The following LAMB4 variants were observed in gnomAD, a reference collection of about 807,000 sequenced individuals.
The protein encoded by LAMB4 is laminin subunit beta-4.
LAMB4 carries 196 observed loss-of-function variants against 199.2 expected under a neutral mutation model. That is an observed-to-expected ratio of 0.98 (90% confidence interval 0.88 to 1.11). The LOEUF is 1.11. Among genes scored for constraint, LAMB4 ranks in the 50% least tolerant of loss-of-function variants. LAMB4 has a pLI of 0.00. For missense variants in LAMB4, 2,080 were observed against 2,171.2 expected (o/e 0.96, Z 0.83); for synonymous variants, 744 against 770.6 (o/e 0.97, Z 0.57).
Position 108,023,861 on chromosome 7 carries a change from G to C in LAMB4, c.*178C>G. 2.5e-6 allele frequency: 1 copy of C among 399,192 alleles called. No individual in the cohort carries two copies. The allele number at this position is 399,192 out of a possible 1,614,324, so 24.7% of individuals were successfully genotyped here. On this transcript the variant is annotated 3_prime_UTR_variant, in exon 34 of 34. Coordinates refer to ENST00000388781, the MANE Select transcript of LAMB4 (RefSeq NM_007356.3). ...TACTTTCCCCTTTCAATTATGAAGT[G>C]GCATTTTCCTGGTGGCATTTCAACC... is the stretch of plus-strand genomic sequence containing the variant.
At chr7:108,043,681 G>GTATGATGT in intron 29 of LAMB4, 71 bp downstream of exon 29, 1 of 612,668 alleles carries the variant, frequency 1.6e-6, no homozygotes. Flanking sequence ...CTGGGTTCAC[G>GTATGATGT]TATGATGTTT....
intron 5 of LAMB4, 24 bp downstream of exon 5, chr7:108,109,147 G>A: frequency 2.0e-6 from 3 of 1,538,250 alleles, no homozygotes; most frequent in Middle Eastern, 1.7e-4. Flanking sequence ...ATAAAAGAGG[G>A]GCAGCAGGCC....
At chr7:108,044,699 C>A (rs995936459) in intron 28 of LAMB4, among the ~76,000 whole-genome samples, 2 of 151,936 alleles carry the variant, frequency 1.3e-5, no homozygotes, top group African/African-American at 4.8e-5. Context: ...CGCCTGTAAT[C>A]CCCAGCACTT....
chr7:108,020,873 G>A (rs114337043), downstream of LAMB4, among the ~76,000 whole-genome samples: 1 of 152,146 alleles, frequency 6.6e-6, no homozygotes, highest in Non-Finnish European at 1.5e-5. Context: ...AAGCTGTAAA[G>A]GATAAACAGG....
chr7:108,046,166 C>G (rs1000271586), intron 28 of LAMB4, among the ~76,000 whole-genome samples: 29 of 151,704 alleles, frequency 1.9e-4, no homozygotes, highest in African/African-American at 6.8e-4. Context: ...CCTCCCGGGT[C>G]CCAGCAATTC....
At chr7:108,016,230 G>A in the LAMB4 span, among the ~76,000 whole-genome samples, 1 of 150,668 alleles carries the variant, frequency 6.6e-6, no homozygotes, top group East Asian at 2.0e-4. Flanking sequence ...TTCAGAAAAT[G>A]AGGGGGTAGG....
At chr7:108,070,755 G>A (rs182500908) in intron 17 of LAMB4, among the ~76,000 whole-genome samples, 12 of 152,202 alleles carry the variant, frequency 7.9e-5, no homozygotes, top group Admixed American at 4.6e-4. Flanking sequence ...AGTTTTTGGG[G>A]AGTAAAAAAT....
intron 15 of LAMB4, among the ~76,000 whole-genome samples, chr7:108,078,848 T>A (rs892927599): frequency 6.6e-6 from 1 of 152,206 alleles, no homozygotes; most frequent in Non-Finnish European, 1.5e-5. Context: ...GTTCCTTGGC[T>A]TTCACTTGTA....
In LAMB4 at chr7:108,057,893, G is replaced by A. The variant is rs202039038; in HGVS notation, c.3318C>T (p.Gly1106=). The A allele has an allele frequency of 5.5e-5, 89 of 1,613,582 alleles. No homozygotes were observed. Among genetic ancestry groups the A allele is most frequent in the African/African-American group, 2.7e-5 (2 of 74,890 alleles). The change falls in exon 24 of 34, where the codon GGC becomes GGT. Residue 1106 remains glycine (G), a synonymous_variant. Coordinates refer to ENST00000388781, the MANE Select transcript of LAMB4 (RefSeq NM_007356.3). ...CCTGGCACTCACTGCAACGTTTCCC[G>A]CCGTAACCTAATTTACACGGACACT... ...TGQCPCKLGY[G]GKRCSECQEN... is the part of the protein sequence containing the mutation.
intron 26 of LAMB4, among the ~76,000 whole-genome samples, chr7:108,050,482 A>G (rs1404974619): frequency 6.6e-6 from 1 of 152,142 alleles, no homozygotes; most frequent in Non-Finnish European, 1.5e-5. Context: ...TACATTTTCT[A>G]TGTTTGCATT....
intron 1 of LAMB4, among the ~76,000 whole-genome samples, chr7:108,125,090 C>A (rs2038730455): frequency 6.6e-6 from 1 of 152,352 alleles, no homozygotes; most frequent in South Asian, 2.1e-4. Context: ...GTAGCTCCAT[C>A]AGAATGAGCT....
chr7:108,063,296 T>G (rs1007515567), intron 22 of LAMB4, among the ~76,000 whole-genome samples: 4 of 152,190 alleles, frequency 2.6e-5, no homozygotes, highest in Non-Finnish European at 5.9e-5. Context: ...TTTAAATGAC[T>G]TGAAAACAAT....
At chr7:108,125,174 C>G (rs1563116000) in intron 1 of LAMB4, among the ~76,000 whole-genome samples, 1 of 152,204 alleles carries the variant, frequency 6.6e-6, no homozygotes, top group South Asian at 2.1e-4. Flanking sequence ...ATAGGAGAAT[C>G]CAGGTTACAG....
intron 22 of LAMB4, 134 bp from the exon 23 acceptor site, chr7:108,063,128 A>G: frequency 1.9e-6 from 1 of 518,934 alleles, no homozygotes. Context: ...TTATAATAGT[A>G]AAGAATTTAC....
intron 11 of LAMB4, among the ~76,000 whole-genome samples, chr7:108,097,538 C>A (rs1365302288): frequency 6.6e-6 from 1 of 152,206 alleles, no homozygotes; most frequent in African/African-American, 2.4e-5. Flanking sequence ...GTAATCCCAG[C>A]ACTTTGGGAG....
intron 24 of LAMB4, among the ~76,000 whole-genome samples, chr7:108,057,067 T>C (rs2036008359): frequency 6.6e-6 from 1 of 152,094 alleles, no homozygotes; most frequent in African/African-American, 2.4e-5. Flanking sequence ...TTCAGCTAGT[T>C]CATCTGTCCA....
rs984540571 is a variant in LAMB4 at position 108,065,662 on chromosome 7, C to T, written c.2836+100G>A. Reference sequence around the variant, plus strand: ...GTGTCTTCTTACCATTTCTGCACCACACATTTGTCCAAGACAGATAAGTCA... The same window carrying T: ...GTGTCTTCTTACCATTTCTGCACCATACATTTGTCCAAGACAGATAAGTCA... On this transcript the variant is annotated intron_variant, in intron 21 of 33. Coordinates refer to ENST00000388781, the MANE Select transcript of LAMB4 (RefSeq NM_007356.3). 1.8e-5 allele frequency: 17 copies of T among 920,918 alleles called. No individual in the cohort carries two copies. In the African/African-American group the frequency reaches 2.0e-4, roughly 11 times the overall value. The allele number at this position is 920,918 out of a possible 1,614,324, so 57.0% of individuals were successfully genotyped here.
chr7:108,057,620 AGG>A (rs1434970143), intron 24 of LAMB4, among the ~76,000 whole-genome samples: 3 of 152,218 alleles, frequency 2.0e-5, no homozygotes, highest in Admixed American at 6.5e-5. Context: ...ATTTTAATAT[AGG>A]CTAAATTTTT....
chr7:108,122,797 C>T (rs1345737643), intron 2 of LAMB4, among the ~76,000 whole-genome samples: 1 of 152,150 alleles, frequency 6.6e-6, no homozygotes, highest in Non-Finnish European at 1.5e-5. Flanking sequence ...GACCTCATTG[C>T]TGGGAAAAGT....
Sources: gnomAD v4.1 joint callset for allele counts (sites outside exome capture counted in the v4.1 genomes callset) on GRCh38, gnomAD v4.1.1 for gene constraint, MANE v1.5 for transcripts, NCBI Gene and HGNC (gene_info 2026-07-23, HGNC 2026-07-21) for gene names.